The following NR2F1-AS1 variants were observed in gnomAD, a reference collection of about 807,000 sequenced individuals.
NR2F1-AS1 encodes the protein NR2F1 regulatory antisense RNA 1.
chr5:93,433,473 C>T (rs1749368718), intron 4 of NR2F1-AS1, among the ~76,000 whole-genome samples: 2 of 152,126 alleles, frequency 1.3e-5, no homozygotes, highest in Admixed American at 6.5e-5. Flanking sequence ...TCTCTTTTGA[C>T]GTAATGAATG....
At chr5:93,409,979 T>G (rs529095324) in intron 4 of NR2F1-AS1, 2 of 152,350 alleles carry the variant, frequency 1.3e-5, no homozygotes, top group Admixed American at 1.3e-4. Flanking sequence ...TCAATTCAGA[T>G]GGACACTCCT....
At chr5:93,565,000 G>A (rs1268913938) in intron 1 of NR2F1-AS1, among the ~76,000 whole-genome samples, 1 of 152,048 alleles carries the variant, frequency 6.6e-6, no homozygotes, top group African/African-American at 2.4e-5. Flanking sequence ...CTACAGAAAA[G>A]ATAGTCCGAG....
At chr5:93,442,266 G>A (rs1222275943) in intron 4 of NR2F1-AS1, among the ~76,000 whole-genome samples, 2 of 152,212 alleles carry the variant, frequency 1.3e-5, no homozygotes, top group African/African-American at 4.8e-5. Context: ...GGAAGCGCAA[G>A]GGGTTGGGCA....
At chr5:93,466,904 T>TGTG (rs1554065105) in intron 4 of NR2F1-AS1, among the ~76,000 whole-genome samples, 1 of 15,528 alleles carries the variant, frequency 6.4e-5, no homozygotes, top group Non-Finnish European at 1.7e-4. Context: ...ATCCCTTTTT[T>TGTG]GGGGGGGGGG....
At chr5:93,546,668 G>A (rs764456370) in intron 4 of NR2F1-AS1, among the ~76,000 whole-genome samples, 5 of 152,008 alleles carry the variant, frequency 3.3e-5, no homozygotes, top group East Asian at 1.9e-4. Context: ...GGAATTGATC[G>A]TTTTCGTTTC....
At chr5:93,583,060 C>A (rs747993843), upstream of NR2F1-AS1, among the ~76,000 whole-genome samples, 1 of 152,176 alleles carries the variant, frequency 6.6e-6, no homozygotes, top group Non-Finnish European at 1.5e-5. Flanking sequence ...CGATTCAGGG[C>A]TCTGACCAGT....
At position 93,574,236 on chromosome 5, in the gene NR2F1-AS1, G is replaced by C. The variant is rs1291409467; in HGVS notation, n.313+6231C>G. Reference sequence around the variant, plus strand: ...GTGAGCAGCCGATATCTGGGGGCTGGGATGGCCCCCGGGGGAGGAGGCACC... The same window carrying C: ...GTGAGCAGCCGATATCTGGGGGCTGCGATGGCCCCCGGGGGAGGAGGCACC... On this transcript the variant is annotated intron_variant and non_coding_transcript_variant, in intron 1 of 5. Coordinates refer to ENST00000660523, the Ensembl canonical transcript of NR2F1-AS1. Among the ~76,000 whole-genome samples, 3 of 152,168 alleles carry C rather than the reference G, an allele frequency of 2.0e-5. No homozygotes were observed. In the East Asian group the frequency reaches 5.8e-4, roughly 29 times the overall value.
chr5:93,432,266 T>A (rs767250219), intron 4 of NR2F1-AS1: 2 of 152,168 alleles, frequency 1.3e-5, no homozygotes, highest in Non-Finnish European at 2.9e-5. Context: ...CTAGACCCGA[T>A]GATTTCAATG....
intron 4 of NR2F1-AS1, chr5:93,543,834 A>C (rs1384619526): frequency 1.3e-5 from 2 of 152,154 alleles, no homozygotes; most frequent in Non-Finnish European, 2.9e-5. Context: ...ATTGGTAGTA[A>C]ATAAGTTGAG....
intron 4 of NR2F1-AS1, among the ~76,000 whole-genome samples, chr5:93,540,717 G>T (rs1346867283): frequency 6.6e-6 from 1 of 151,988 alleles, no homozygotes; most frequent in African/African-American, 2.4e-5. Context: ...AGATAAAGAA[G>T]AATTTTTCCC....
At chr5:93,434,733 C>T (rs1030243300) in intron 4 of NR2F1-AS1, among the ~76,000 whole-genome samples, 2 of 152,166 alleles carry the variant, frequency 1.3e-5, no homozygotes, top group Non-Finnish European at 2.9e-5. Flanking sequence ...GGTCCAGAAT[C>T]ATCCTTTCAT....
intron 1 of NR2F1-AS1, among the ~76,000 whole-genome samples, chr5:93,564,963 G>A (rs948592622): frequency 3.3e-5 from 5 of 152,062 alleles, no homozygotes; most frequent in Non-Finnish European, 5.9e-5. Context: ...GCAGCTTCCA[G>A]GCTAATAGGG....
intron 4 of NR2F1-AS1, chr5:93,438,781 T>C (rs1327476536): frequency 1.3e-5 from 2 of 152,160 alleles, no homozygotes; most frequent in African/African-American, 4.8e-5. Flanking sequence ...AAACAAGAGA[T>C]TAGTCCCACT....
At chr5:93,538,483 T>C (rs1751884125) in intron 4 of NR2F1-AS1, among the ~76,000 whole-genome samples, 1 of 152,066 alleles carries the variant, frequency 6.6e-6, no homozygotes, top group Admixed American at 6.6e-5. Flanking sequence ...CAAAAATTAA[T>C]AATTAAATAA....
chr5:93,457,296 G>T (rs1175005098), intron 4 of NR2F1-AS1, among the ~76,000 whole-genome samples: 1 of 152,102 alleles, frequency 6.6e-6, no homozygotes, highest in Non-Finnish European at 1.5e-5. Context: ...AGTGTTTTGT[G>T]TCCCCGGGTA....
intron 4 of NR2F1-AS1, among the ~76,000 whole-genome samples, chr5:93,451,158 T>C (rs1748839380): frequency 6.6e-6 from 1 of 152,022 alleles, no homozygotes; most frequent in South Asian, 2.1e-4. Flanking sequence ...ACCCCAGGTA[T>C]TTTTAAAGTA....
intron 4 of NR2F1-AS1, among the ~76,000 whole-genome samples, chr5:93,411,897 G>A (rs1748865225): frequency 6.6e-6 from 1 of 152,142 alleles, no homozygotes; most frequent in Non-Finnish European, 1.5e-5. Context: ...CCCATCCTGT[G>A]GCACCATATG....
chr5:93,517,943 A>T (rs966815337), intron 4 of NR2F1-AS1, among the ~76,000 whole-genome samples: 8 of 152,008 alleles, frequency 5.3e-5, no homozygotes, highest in African/African-American at 1.9e-4. Flanking sequence ...AAATAAGATT[A>T]AAAAAACCAT....
upstream of NR2F1-AS1, among the ~76,000 whole-genome samples, chr5:93,581,737 CCTCT>C (rs1332435581): frequency 1.8e-4 from 4 of 22,488 alleles, no homozygotes; most frequent in African/African-American, 2.8e-4. Context: ...TCTCTCTCCC[CCTCT>C]CCCTCTCCCT....
Sources: allele counts gnomAD v4.1 joint callset (sites outside exome capture counted in the v4.1 genomes callset), GRCh38; gene constraint gnomAD v4.1.1; transcripts MANE v1.5; gene names NCBI Gene and HGNC (gene_info 2026-07-23, HGNC 2026-07-21).